Variants in WDFY4 observed in about 807,000 individuals in gnomAD.
The protein encoded by WDFY4 is WD repeat- and FYVE domain-containing protein 4.
WDFY4 carries 169 observed loss-of-function variants against 351.9 expected under a neutral mutation model. That is an observed-to-expected ratio of 0.48 (90% CI 0.42 to 0.55). The LOEUF is 0.55. Ranked by LOEUF, WDFY4 falls within the 20% of genes least tolerant of loss-of-function variation. The pLI is 0.00. For synonymous variants in WDFY4, 1,622 were observed against 1,574.6 expected (o/e 1.03, Z -0.71); for missense variants, 3,803 against 3,935.6 (o/e 0.97, Z 0.90).
At chr10:48,749,517 A>T (rs2065116377) in intron 12 of WDFY4, among the ~76,000 whole-genome samples, 1 of 152,072 alleles carries the variant, frequency 6.6e-6, no homozygotes, top group Non-Finnish European at 1.5e-5. Flanking sequence ...ACACACACAA[A>T]TACCACACAT....
rs1475135383 is a variant in WDFY4, at chr10:48,811,670, C to A, written c.5176C>A (p.Leu1726Met). 1 of 1,551,834 alleles carries A rather than the reference C, an allele frequency of 6.4e-7. No homozygotes were observed. Among genetic ancestry groups the A allele is most frequent in the Admixed American group, 2.0e-5 (1 of 51,012 alleles). Residue 1726 changes from leucine to methionine, a missense_variant, in exon 30 of 62, where the codon CTG becomes ATG. This residue lies in a region of WDFY4 where 3,054 missense variants were observed against 3,148.6 expected (regional missense o/e 0.97). Coordinates refer to ENST00000325239, the MANE Select transcript of WDFY4 (RefSeq NM_001394531.1). The stretch of plus-strand genomic sequence containing the variant: ...CTACCTCATCGTCTCCACCTTCTTC[C>A]TGCAGACACCACTCACAGAGCTGAT... The part of the protein sequence containing the change: ...EVYLIVSTFF[L>M]QTPLTELMDG...
At chr10:48,980,241 C>A (rs1004587011) in intron 60 of WDFY4, 1 of 152,178 alleles carries the variant, frequency 6.6e-6, no homozygotes, top group Non-Finnish European at 1.5e-5. Flanking sequence ...AAAATATGTG[C>A]AGATTTACAA....
chr10:48,765,522 A>G (rs374424662), intron 13 of WDFY4, among the ~76,000 whole-genome samples: 38 of 152,352 alleles, frequency 2.5e-4, no homozygotes, highest in African/African-American at 7.0e-4. Context: ...TGCAGCTACT[A>G]TCATCAGTTG....
intron 47 of WDFY4, among the ~76,000 whole-genome samples, chr10:48,931,092 C>T (rs1400747506): frequency 2.1e-5 from 1 of 46,762 alleles, no homozygotes; most frequent in Non-Finnish European, 4.9e-5. Flanking sequence ...CACACTCACA[C>T]TCAAACACAC....
intron 47 of WDFY4, among the ~76,000 whole-genome samples, chr10:48,930,891 C>T (rs1839955843): frequency 6.6e-6 from 1 of 152,122 alleles, no homozygotes; most frequent in African/African-American, 2.4e-5. Context: ...TTCTCTGGCA[C>T]ACATGCACCC....
At chr10:48,782,454 G>A (rs899453573) in intron 19 of WDFY4, among the ~76,000 whole-genome samples, 2 of 152,322 alleles carry the variant, frequency 1.3e-5, no homozygotes. Context: ...TAGTGTGGTT[G>A]GGTGAAGTGG....
intron 57 of WDFY4, among the ~76,000 whole-genome samples, 193 bp downstream of exon 57, chr10:48,970,482 G>T (rs1842291664): frequency 6.6e-6 from 1 of 152,200 alleles, no homozygotes; most frequent in Non-Finnish European, 1.5e-5. Context: ...CCACAGCTCA[G>T]TGTCATTCAG....
At chr10:48,796,261 C>A in intron 23 of WDFY4, 37 bp from the exon 24 acceptor site, 1 of 1,534,212 alleles carries the variant, frequency 6.5e-7, no homozygotes, top group Non-Finnish European at 8.8e-7. Flanking sequence ...TCTAATGATG[C>A]ATTCATGAGG....
intron 57 of WDFY4, among the ~76,000 whole-genome samples, chr10:48,972,050 T>A (rs60324988): frequency 1.3e-5 from 2 of 152,170 alleles, no homozygotes; most frequent in Non-Finnish European, 1.5e-5. Context: ...AGAAACACCC[T>A]CGTATCGACC....
Position 48,982,776 on chromosome 10 carries a change from A to G in WDFY4, c.*201A>G, listed in dbSNP as rs1842861322. On this transcript the variant is annotated 3_prime_UTR_variant, in exon 62 of 62. Coordinates refer to ENST00000325239, the MANE Select transcript of WDFY4 (RefSeq NM_001394531.1). ...GGACTTCTATGAAAAGGATGAGCACACACACTCGGAGGGCTGAGCAGCACG... is the reference window on the plus strand; with the variant it reads ...GGACTTCTATGAAAAGGATGAGCACGCACACTCGGAGGGCTGAGCAGCACG... 1 of 615,574 alleles carries G rather than the reference A, an allele frequency of 1.6e-6. No individual in the cohort carries two copies. Among genetic ancestry groups the G allele is most frequent in the Non-Finnish European group, 3.1e-6 (1 of 322,244 alleles). 38.1% of individuals were successfully genotyped at this position (615,574 alleles called of 1,614,324 possible).
rs1254743131 is a variant in WDFY4 at position 48,743,224 on chromosome 10, C to A, written c.2135C>A (p.Ala712Asp). ...AGGAATGGGCTCTTTGAGAAGCTGG[C>A]CGAGGACCTCTGCCTGCTGGGCTGT... ...FRRNGLFEKL[A>D]EDLCLLGCFG... Residue 712 changes from alanine (A) to aspartate (D), a missense_variant, in exon 12 of 62, where the codon GCC (alanine) becomes GAC (aspartate). Transcript: ENST00000325239. The A allele has an allele frequency of 1.3e-6, 2 of 1,551,702 alleles. No homozygotes were observed. Among genetic ancestry groups the A allele is most frequent in the Admixed American group, 2.0e-5 (1 of 51,004 alleles).
chr10:48,895,851 C>T (rs758266024), intron 44 of WDFY4, among the ~76,000 whole-genome samples: 1 of 152,116 alleles, frequency 6.6e-6, no homozygotes, highest in African/African-American at 2.4e-5. Context: ...GGCCTCATCT[C>T]GGGACTGCCT....
In WDFY4 at chr10:48,969,264, G is replaced by A. The variant is rs1842227809; in HGVS notation, c.8769+16G>A. On this transcript the variant is annotated intron_variant, in intron 56 of 61. Transcript: ENST00000325239. ...CTCCGACAAGGTGAGGGGGCTGCAG[G>A]GAGCAGGGGCAGCCTCAGGACCTCA... 1 of 1,550,240 alleles carries A rather than the reference G, an allele frequency of 6.5e-7. No individual in the cohort carries two copies. The highest frequency in any genetic ancestry group is 8.7e-7 in the Non-Finnish European group (1 of 1,146,766).
At chr10:48,892,474 A>G (rs780608727) in intron 44 of WDFY4, among the ~76,000 whole-genome samples, 10 of 152,224 alleles carry the variant, frequency 6.6e-5, no homozygotes, top group Non-Finnish European at 1.3e-4. Flanking sequence ...GGAAGTGCCC[A>G]GATAGTTTTA....
chr10:48,783,967 G>A (rs2066310307), intron 19 of WDFY4, among the ~76,000 whole-genome samples: 1 of 152,244 alleles, frequency 6.6e-6, no homozygotes, highest in East Asian at 1.9e-4. Flanking sequence ...GTGGCACACA[G>A]CAATATATGG....
intron 32 of WDFY4, among the ~76,000 whole-genome samples, chr10:48,818,476 G>A (rs1464993319): frequency 6.6e-6 from 1 of 152,194 alleles, no homozygotes; most frequent in African/African-American, 2.4e-5. Flanking sequence ...GAGAGGGGAA[G>A]CTGAGATTCA....
At position 48,959,907 on chromosome 10, in the gene WDFY4, C is replaced by G. The variant is rs4317902; in HGVS notation, c.8223+94C>G. 0.49 allele frequency: 565,114 copies of G among 1,162,410 alleles called. 141,253 individuals are homozygous for G. Among genetic ancestry groups the G allele is most frequent in the Non-Finnish European group, 0.51 (418,405 of 813,760 alleles). The allele number at this position is 1,162,410 out of a possible 1,614,324, so 72.0% of individuals were successfully genotyped here. A position where few individuals can be genotyped will look rare whatever the true frequency, so the allele number is the denominator to read the frequency against. ...TTCTGTCCAAGTGGAGGGCCAGTGACCAGCACTGTGAGGCTCATGTCTGGA... is the reference window on the plus strand; with the variant it reads ...TTCTGTCCAAGTGGAGGGCCAGTGAGCAGCACTGTGAGGCTCATGTCTGGA... On this transcript the variant is annotated intron_variant, in intron 53 of 61. Transcript: ENST00000325239.
chr10:48,982,054 G>T (rs1842831464), intron 61 of WDFY4, among the ~76,000 whole-genome samples: 1 of 152,218 alleles, frequency 6.6e-6, no homozygotes, highest in African/African-American at 2.4e-5. Context: ...GGCGTGGCGT[G>T]GGCTGTTCCG....
At chr10:48,700,958 T>G (rs540904620) in intron 1 of WDFY4, among the ~76,000 whole-genome samples, 12 of 152,256 alleles carry the variant, frequency 7.9e-5, no homozygotes, top group Non-Finnish European at 1.6e-4. Flanking sequence ...GTAACCATTT[T>G]TAAATGTATA....
Sources: allele counts gnomAD v4.1 joint callset (sites outside exome capture counted in the v4.1 genomes callset), GRCh38; gene constraint gnomAD v4.1.1; regional missense constraint gnomAD v4.1.1; transcripts MANE v1.5; gene names NCBI Gene and HGNC (gene_info 2026-07-23, HGNC 2026-07-21).